COL23A1: variants seen among roughly 807,000 people sequenced by gnomAD.
The protein encoded by COL23A1 is collagen alpha-1(XXIII) chain.
COL23A1 carries 97 observed loss-of-function variants against 99.3 expected under a neutral mutation model. That is an observed-to-expected ratio of 0.98 (90% confidence interval 0.83 to 1.16). The LOEUF (loss-of-function observed/expected upper bound fraction) is 1.16. COL23A1 is among the 50% of genes most tolerant of loss of function. The pLI is 0.00. For synonymous variants in COL23A1, 320 were observed against 308.2 expected, an observed-to-expected ratio of 1.04 and a Z score of -0.40; for missense variants, 762 against 757.4, an observed-to-expected ratio of 1.01 and a Z score of -0.07.
chr5:178,450,681 G>T (rs1262697743), intron 2 of COL23A1, among the ~76,000 whole-genome samples: 2 of 152,218 alleles, frequency 1.3e-5, no homozygotes, highest in Non-Finnish European at 2.9e-5. Flanking sequence ...CATGTTAATA[G>T]TAACAATAGC....
chr5:178,452,989 AG>A (rs1382575339), intron 2 of COL23A1, among the ~76,000 whole-genome samples: 2 of 152,232 alleles, frequency 1.3e-5, no homozygotes, highest in Non-Finnish European at 2.9e-5. Flanking sequence ...TGATGGCAAA[AG>A]AGTGGACACA....
intron 2 of COL23A1, among the ~76,000 whole-genome samples, chr5:178,410,662 A>T (rs559999485): frequency 2.6e-4 from 39 of 152,374 alleles, no homozygotes; most frequent in African/African-American, 8.7e-4. Flanking sequence ...TGTAACTACA[A>T]AATTCTTAGA....
Position 178,340,874 on chromosome 5 carries a change from C to G in COL23A1, c.362-33955G>C, listed in dbSNP as rs1760615272. On this transcript the variant is annotated intron_variant, in intron 2 of 28. Transcript: ENST00000390654. The surrounding 1 kb of genome is among the most constrained non-coding windows in gnomAD (Gnocchi z 4.7). The stretch of plus-strand genomic sequence containing the variant: ...TGAAGCGTGAGGCCAGGCAGCATGG[C>G]TGATGTGCATGGGCGCGGGGCTCAA... Among the ~76,000 whole-genome samples, 1 of 152,234 alleles carries G rather than the reference C, an allele frequency of 6.6e-6. No homozygotes were observed. The highest frequency in any genetic ancestry group is 2.4e-5 in the African/African-American group (1 of 41,468).
intron 2 of COL23A1, among the ~76,000 whole-genome samples, chr5:178,553,990 T>C (rs536234274): frequency 1.2e-4 from 19 of 152,088 alleles, no homozygotes; most frequent in South Asian, 1.2e-3. Flanking sequence ...CTCAAAACCA[T>C]CCCATGACAC....
chr5:178,501,256 T>A (rs572421034), intron 2 of COL23A1, among the ~76,000 whole-genome samples: 1 of 152,078 alleles, frequency 6.6e-6, no homozygotes, highest in East Asian at 1.9e-4. Flanking sequence ...AGGAAATGAG[T>A]AACCTGGAAA....
intron 1 of COL23A1, among the ~76,000 whole-genome samples, chr5:178,586,898 A>C (rs773755064): frequency 1.3e-5 from 2 of 152,220 alleles, no homozygotes; most frequent in Non-Finnish European, 2.9e-5. Flanking sequence ...CAGAGTTGAT[A>C]AGAGAAAAGG....
Position 178,434,030 on chromosome 5 carries a change from G to C in COL23A1, c.361+126652C>G, listed in dbSNP as rs533030344. Among the ~76,000 whole-genome samples, 1 of 152,286 alleles carries C rather than the reference G, an allele frequency of 6.6e-6. No homozygotes were observed. The highest frequency in any genetic ancestry group is 2.1e-4 in the South Asian group (1 of 4,826). On this transcript the variant is annotated intron_variant, in intron 2 of 28. Coordinates refer to ENST00000390654, the MANE Select transcript of COL23A1 (RefSeq NM_173465.4). This position sits in a 1 kb window ranked among gnomAD's most constrained non-coding sequence, Gnocchi z 4.3. ...GAGAAACCAGCCCTGCCCACACCTTGATCTCAGAGCTCCAGCCTCCGGGCC... is the reference window on the plus strand; with the variant it reads ...GAGAAACCAGCCCTGCCCACACCTTCATCTCAGAGCTCCAGCCTCCGGGCC...
At chr5:178,456,742 GAA>G (rs35655486) in intron 2 of COL23A1, among the ~76,000 whole-genome samples, 2 of 150,972 alleles carry the variant, frequency 1.3e-5, no homozygotes, top group African/African-American at 2.4e-5. Context: ...AATTGTACTA[GAA>G]AAAAAAATGA....
In COL23A1 at chr5:178,554,586, T is replaced by C. The variant is rs1166332774; in HGVS notation, c.361+6096A>G. Among the ~76,000 whole-genome samples the C allele has an allele frequency of 4.6e-5, 7 of 152,210 alleles. 1 individual carries two copies. Among genetic ancestry groups the C allele is most frequent in the Non-Finnish European group, 1.5e-5 (1 of 68,038 alleles). Reference sequence around the variant, plus strand: ...GAAGAGTCTGGTCACCTACTGCTTGTGCCCAGCTATATTCGTTCTCTCTTC... The same window carrying C: ...GAAGAGTCTGGTCACCTACTGCTTGCGCCCAGCTATATTCGTTCTCTCTTC... On this transcript the variant is annotated intron_variant, in intron 2 of 28. Transcript: ENST00000390654.
Position 178,307,429 on chromosome 5 carries a change from C to T in COL23A1, c.362-510G>A, listed in dbSNP as rs1758420774. ...CTCATGACAGGCACTACACGATCCG[C>T]CTGCAGTCTCCGCCACTCGCTGGGG... On this transcript the variant is annotated intron_variant, in intron 2 of 28. Transcript: ENST00000390654. This position sits in a 1 kb window ranked among gnomAD's most constrained non-coding sequence, Gnocchi z 4.2. 6.6e-6 allele frequency among the ~76,000 whole-genome samples: 1 copy of T among 152,378 alleles called. No individual in the cohort carries two copies. The highest frequency in any genetic ancestry group is 6.5e-5 in the Admixed American group (1 of 15,308).
chr5:178,452,713 A>G (rs541939851), intron 2 of COL23A1, among the ~76,000 whole-genome samples: 82 of 152,344 alleles, frequency 5.4e-4, no homozygotes, highest in African/African-American at 1.9e-3. Context: ...CACACTCATA[A>G]TAAGTGCACT....
chr5:178,443,529 C>T (rs998319592), intron 2 of COL23A1, among the ~76,000 whole-genome samples: 3 of 152,192 alleles, frequency 2.0e-5, no homozygotes, highest in South Asian at 4.1e-4. Context: ...GGCACGATCT[C>T]GGCTCACTGC....
At chr5:178,398,702 C>T (rs930819785) in intron 2 of COL23A1, among the ~76,000 whole-genome samples, 8 of 152,172 alleles carry the variant, frequency 5.3e-5, no homozygotes, top group South Asian at 2.1e-4. Flanking sequence ...TTACAATTTT[C>T]GGTTTCTATT....
At chr5:178,242,638 G>A (rs1288243819) in intron 25 of COL23A1, among the ~76,000 whole-genome samples, 1 of 152,224 alleles carries the variant, frequency 6.6e-6, no homozygotes, top group Non-Finnish European at 1.5e-5. Context: ...CCAACACTCA[G>A]GCAGAGCTGC....
At chr5:178,539,683 G>A (rs867879611) in intron 2 of COL23A1, among the ~76,000 whole-genome samples, 14 of 151,840 alleles carry the variant, frequency 9.2e-5, no homozygotes, top group Middle Eastern at 3.4e-3. Context: ...TTTCACCAGT[G>A]AATTCTTCCA....
rs975085850 is a variant in COL23A1, at chr5:178,340,580, C to T, written c.362-33661G>A. 1.3e-5 allele frequency among the ~76,000 whole-genome samples: 2 copies of T among 152,182 alleles called. No homozygotes were observed. Among genetic ancestry groups the T allele is most frequent in the Non-Finnish European group, 2.9e-5 (2 of 68,032 alleles). On this transcript the variant is annotated intron_variant, in intron 2 of 28. Coordinates refer to ENST00000390654, the MANE Select transcript of COL23A1 (RefSeq NM_173465.4). This position sits in a 1 kb window ranked among gnomAD's most constrained non-coding sequence, Gnocchi z 4.7. Reference sequence around the variant, plus strand: ...TCTTGCGGAAATCCAGGGGCTGACGCAGAGGTCAGGAGTGGCCTGAAGTTC... The same window carrying T: ...TCTTGCGGAAATCCAGGGGCTGACGTAGAGGTCAGGAGTGGCCTGAAGTTC...
At chr5:178,454,425 G>A (rs1230023141) in intron 2 of COL23A1, among the ~76,000 whole-genome samples, 1 of 152,178 alleles carries the variant, frequency 6.6e-6, no homozygotes, top group Admixed American at 6.6e-5. Flanking sequence ...ATGCCTCCAG[G>A]AACAGGATGT....
intron 2 of COL23A1, among the ~76,000 whole-genome samples, chr5:178,426,674 G>C (rs1470516167): frequency 1.3e-5 from 2 of 152,324 alleles, no homozygotes; most frequent in Admixed American, 6.5e-5. Flanking sequence ...AGACCGGACT[G>C]TGAGACAAGC....
chr5:178,427,828 C>T (rs568223088), intron 2 of COL23A1, among the ~76,000 whole-genome samples: 4 of 151,910 alleles, frequency 2.6e-5, no homozygotes, highest in South Asian at 2.1e-4. Context: ...AGTTGGAGCA[C>T]GGGGGATTTG....
Sources: allele counts gnomAD v4.1 joint callset (sites outside exome capture counted in the v4.1 genomes callset), GRCh38; gene constraint gnomAD v4.1.1; non-coding constraint Gnocchi (gnomAD v3.1); transcripts MANE v1.5; gene names NCBI Gene and HGNC (gene_info 2026-07-23, HGNC 2026-07-21).